The following FNDC1 variants were observed in gnomAD, a reference collection of about 807,000 sequenced individuals.
The protein encoded by FNDC1 is fibronectin type III domain-containing protein 1.
A neutral mutation model predicts 168.0 loss-of-function variants in FNDC1; 96 were observed. The ratio of observed to expected loss-of-function variants is 0.57; its 90% CI spans 0.48 to 0.68. The LOEUF is 0.68. Among genes scored for constraint, FNDC1 ranks in the 30% least tolerant of loss-of-function variants. The probability of loss-of-function intolerance (pLI) is 0.00; values close to 1 mark genes in which losing one functional copy is unlikely to be tolerated. For synonymous variants in FNDC1, 1,099 were observed against 1,025.9 expected (o/e 1.07, Z -1.36); for missense variants, 2,587 against 2,482.1 (o/e 1.04, Z -0.90).
intron 17 of FNDC1, among the ~76,000 whole-genome samples, chr6:159,256,207 T>A (rs907079030): frequency 1.3e-5 from 2 of 152,186 alleles, no homozygotes; most frequent in Non-Finnish European, 2.9e-5. Flanking sequence ...TTTCTTCTAC[T>A]TTTGTTTTTC....
Position 159,169,663 on chromosome 6 carries a change from T to C in FNDC1, c.67T>C (p.Leu23=). ...RRLSWAALLL[L]AALLPVASSA... ...GCTGTCCTGGGCGGCGCTGCTGCTC[T>C]TGGCCGCGCTGCTCCCCGTCGCCTC... Residue 23 remains leucine, a synonymous_variant, in exon 1 of 23, where the codon TTG becomes CTG. Transcript: ENST00000297267. This position sits in a 1 kb window ranked among gnomAD's most constrained non-coding sequence, Gnocchi z 6.8. 8.6e-7 allele frequency: 1 copy of C among 1,165,464 alleles called. No homozygotes were observed. The highest frequency in any genetic ancestry group is 1.1e-6 in the Non-Finnish European group (1 of 946,464). 72.2% of individuals were successfully genotyped at this position (1,165,464 alleles called of 1,614,324 possible). A position where few individuals can be genotyped will look rare whatever the true frequency, so the allele number is the denominator to read the frequency against.
intron 1 of FNDC1, among the ~76,000 whole-genome samples, chr6:159,173,921 C>G (rs1051919652): frequency 1.3e-5 from 2 of 152,150 alleles, no homozygotes; most frequent in Non-Finnish European, 2.9e-5. Context: ...CTTCCTACCT[C>G]AAGGGATGAG....
chr6:159,204,053 C>T (rs1361050727), intron 4 of FNDC1, among the ~76,000 whole-genome samples: 1 of 152,212 alleles, frequency 6.6e-6, no homozygotes, highest in African/African-American at 2.4e-5. Flanking sequence ...CTAATTTCTG[C>T]CTCATTTTTC....
chr6:159,249,128 A>T lies in FNDC1; in HGVS notation c.4780A>T (p.Ile1594Phe). 1.2e-6 allele frequency: 2 copies of T among 1,610,974 alleles called. No individual in the cohort carries two copies. Among genetic ancestry groups the T allele is most frequent in the Non-Finnish European group, 1.7e-6 (2 of 1,178,580 alleles). The change falls in exon 16 of 23, where the codon ATC (isoleucine) becomes TTC (phenylalanine). Residue 1594 changes from isoleucine (I) to phenylalanine (F), a missense_variant. Coordinates refer to ENST00000297267, the MANE Select transcript of FNDC1 (RefSeq NM_032532.3). Reference protein sequence around the residue: ...TPRVIPEEGAISSFPEEEFDL... With the variant: ...TPRVIPEEGAFSSFPEEEFDL... ...GAGGGTGATCCCAGAGGAAGGCGCC[A>T]TCAGTTCCTTTCCTGAAGAAGAATT...
intron 19 of FNDC1, among the ~76,000 whole-genome samples, chr6:159,264,018 C>T (rs1374475526): frequency 6.6e-6 from 1 of 152,182 alleles, no homozygotes; most frequent in African/African-American, 2.4e-5. Context: ...AAGCTAGTGT[C>T]ATATTCTCTT....
chr6:159,208,914 C>A (rs924047906), intron 4 of FNDC1, among the ~76,000 whole-genome samples: 1 of 143,576 alleles, frequency 7.0e-6, no homozygotes, highest in African/African-American at 2.7e-5. Context: ...GTGGTGCAAT[C>A]TTGGCTCACC....
At chr6:159,265,093 G>A in intron 20 of FNDC1, 89 bp downstream of exon 20, 1 of 1,162,204 alleles carries the variant, frequency 8.6e-7, no homozygotes, top group Non-Finnish European at 1.2e-6. Context: ...CAATTAGAAA[G>A]TCTGGACCAT....
rs531712911 is a variant in FNDC1, at chr6:159,251,437, A to G, written c.4970A>G (p.His1657Arg). Residue 1657 changes from histidine to arginine, a missense_variant, in exon 17 of 23, where the codon CAT (histidine) becomes CGT (arginine). Transcript: ENST00000297267. ...DLKKSDLPPQ[H>R]APRNITVVAV... ...AAGAAGAGTGACCTGCCTCCCCAGC[A>G]TGCTCCCCGCAACATCACCGTGGTG... 1.6e-5 allele frequency: 26 copies of G among 1,613,920 alleles called. No homozygotes were observed. In the South Asian group the frequency reaches 2.0e-4, roughly 12 times the overall value.
intron 4 of FNDC1, among the ~76,000 whole-genome samples, chr6:159,211,362 A>C (rs1782602499): frequency 6.6e-6 from 1 of 152,204 alleles, no homozygotes; most frequent in African/African-American, 2.4e-5. Flanking sequence ...GGCCAACAGA[A>C]AGTAGCCGCC....
intron 18 of FNDC1, among the ~76,000 whole-genome samples, chr6:159,260,735 T>G (rs553647492): frequency 2.0e-5 from 3 of 152,266 alleles, no homozygotes; most frequent in Admixed American, 6.5e-5. Flanking sequence ...GGGATATAAT[T>G]AGGTTATAAT....
chr6:159,251,905 C>A (rs294898), intron 17 of FNDC1, among the ~76,000 whole-genome samples: 96,164 of 152,054 alleles, frequency 0.63, 31,934 homozygotes, highest in Middle Eastern at 0.75. Context: ...TAGCTCCTTG[C>A]AGGATCAGAT....
chr6:159,206,040 T>C (rs878877955), intron 4 of FNDC1, among the ~76,000 whole-genome samples: 3 of 152,242 alleles, frequency 2.0e-5, no homozygotes, highest in Admixed American at 2.0e-4. Context: ...TTCTGCTGAA[T>C]GAACCAGTGG....
At chr6:159,251,619 A>G (rs1432077261) in intron 17 of FNDC1, 87 bp downstream of exon 17, 3 of 1,140,724 alleles carry the variant, frequency 2.6e-6, no homozygotes, top group South Asian at 2.8e-5. Flanking sequence ...GGATGGGTGC[A>G]TGCATGGATG....
intron 1 of FNDC1, among the ~76,000 whole-genome samples, chr6:159,193,033 TG>T (rs931928100): frequency 2.0e-5 from 3 of 152,198 alleles, no homozygotes; most frequent in Non-Finnish European, 2.9e-5. Context: ...GGAAGTTGTC[TG>T]GGTCAACAAC....
At chr6:159,207,323 G>C (rs1583871101) in intron 4 of FNDC1, among the ~76,000 whole-genome samples, 1 of 152,216 alleles carries the variant, frequency 6.6e-6, no homozygotes, top group African/African-American at 2.4e-5. Flanking sequence ...AGGGGCGGGG[G>C]CTCTGGGAAG....
At chr6:159,198,049 C>A (rs150613246) in intron 2 of FNDC1, among the ~76,000 whole-genome samples, 3 of 152,284 alleles carry the variant, frequency 2.0e-5, no homozygotes, top group Non-Finnish European at 4.4e-5. Flanking sequence ...ATACGTTATG[C>A]CTAGCCACGT....
chr6:159,200,327 C>T (rs1351939073), intron 3 of FNDC1, among the ~76,000 whole-genome samples, 186 bp from the exon 4 acceptor site: 1 of 152,114 alleles, frequency 6.6e-6, no homozygotes, highest in Non-Finnish European at 1.5e-5. Flanking sequence ...CTGAGTAAAC[C>T]ATGTGTAAAA....
chr6:159,229,650 C>T (rs1017844974), intron 9 of FNDC1, among the ~76,000 whole-genome samples, 165 bp from the exon 10 acceptor site: 13 of 152,164 alleles, frequency 8.5e-5, no homozygotes, highest in African/African-American at 2.9e-4. Flanking sequence ...AATGTGAGTT[C>T]ACCTTCTGCT....
At position 159,232,019 on chromosome 6, in the gene FNDC1, A is replaced by G. The variant is rs375227070; in HGVS notation, c.1507A>G (p.Lys503Glu). Reference protein sequence around the residue: ...VPASPQGRNAKDLLLDLKNKI... With the variant: ...VPASPQGRNAEDLLLDLKNKI... The stretch of plus-strand genomic sequence containing the variant: ...TGCTTCTCCCCAAGGGAGAAATGCC[A>G]AGGACCTTCTTCTTGACTTGAAGAA... The change falls in exon 11 of 23, where the codon AAG becomes GAG. Residue 503 changes from lysine (K) to glutamate (E), a missense_variant. Lys to Glu is a moderately conservative substitution (Grantham distance 56). Coordinates refer to ENST00000297267, the MANE Select transcript of FNDC1 (RefSeq NM_032532.3). The surrounding 1 kb of genome is among the most constrained non-coding windows in gnomAD (Gnocchi z 4.9). The G allele has an allele frequency of 4.6e-4, 750 of 1,613,970 alleles. 2 individuals carry two copies. Among genetic ancestry groups the G allele is most frequent in the Non-Finnish European group, 6.2e-4 (727 of 1,179,886 alleles).
Sources: allele counts gnomAD v4.1 joint callset (sites outside exome capture counted in the v4.1 genomes callset), GRCh38; gene constraint gnomAD v4.1.1; non-coding constraint Gnocchi (gnomAD v3.1); transcripts MANE v1.5; gene names NCBI Gene and HGNC (gene_info 2026-07-23, HGNC 2026-07-21).